CDH13: variants seen among roughly 807,000 people sequenced by gnomAD.
CDH13 encodes the protein cadherin 13, also known as cadherin-13.
In CDH13, 24 loss-of-function variants were observed where a neutral mutation model predicts 63.8. That is an observed-to-expected ratio of 0.38 (90% CI 0.27 to 0.53). The LOEUF is 0.53. Ranked by LOEUF, CDH13 falls within the 20% of genes least tolerant of loss-of-function variation. The pLI is 0.85. For missense variants in CDH13, 1,049 were observed against 903.1 expected, an observed-to-expected ratio of 1.16 and a Z score of -2.07; for synonymous variants, 503 against 355.3, an observed-to-expected ratio of 1.42 and a Z score of -4.67.
At chr16:83,053,761 A>T (rs1265005267) in intron 3 of CDH13, among the ~76,000 whole-genome samples, 2 of 152,194 alleles carry the variant, frequency 1.3e-5, no homozygotes, top group Non-Finnish European at 2.9e-5. Context: ...AGAACTATAC[A>T]GCAGGCAGAT....
chr16:82,821,551 G>T (rs1415543778), intron 1 of CDH13, among the ~76,000 whole-genome samples: 1 of 152,152 alleles, frequency 6.6e-6, no homozygotes, highest in Non-Finnish European at 1.5e-5. Flanking sequence ...CCTGGGCTTG[G>T]ATGTTGGGCT....
chr16:82,733,688 C>G (rs1327248019), intron 1 of CDH13, among the ~76,000 whole-genome samples: 1 of 152,154 alleles, frequency 6.6e-6, no homozygotes, highest in Non-Finnish European at 1.5e-5. Flanking sequence ...GTTTAAATCT[C>G]CAGGGGGTCT....
At chr16:83,365,546 A>G (rs1044989141) in intron 6 of CDH13, among the ~76,000 whole-genome samples, 10 of 152,154 alleles carry the variant, frequency 6.6e-5, no homozygotes, top group Non-Finnish European at 1.0e-4. Flanking sequence ...ACCTCCTGGC[A>G]TTACTCCTGC....
At chr16:83,372,893 C>A (rs1304318405) in intron 6 of CDH13, among the ~76,000 whole-genome samples, 1 of 152,096 alleles carries the variant, frequency 6.6e-6, no homozygotes, top group Non-Finnish European at 1.5e-5. Context: ...AACACAGAAT[C>A]CTCACTGCCT....
intron 8 of CDH13, among the ~76,000 whole-genome samples, chr16:83,669,927 T>C (rs1914354112): frequency 6.6e-6 from 1 of 152,240 alleles, no homozygotes; most frequent in African/African-American, 2.4e-5. Flanking sequence ...AAACAATACT[T>C]TATGCTTTCG....
Position 82,639,089 on chromosome 16 carries a change from A to G in CDH13, c.45+11952A>G, listed in dbSNP as rs147973441. Among the ~76,000 whole-genome samples, 446 of 152,290 alleles carry G rather than the reference A, an allele frequency of 2.9e-3. 4 individuals carry two copies. The highest frequency in any genetic ancestry group is 9.1e-3 in the African/African-American group (380 of 41,554). ...GACCCATGCGTCTTTATTCCTGTGC[A>G]TATTTATTTTCCTCTATGTTGCACT... On this transcript the variant is annotated intron_variant, in intron 1 of 13. Transcript: ENST00000567109.
At chr16:83,255,697 A>T (rs936499001) in intron 5 of CDH13, among the ~76,000 whole-genome samples, 2 of 152,110 alleles carry the variant, frequency 1.3e-5, no homozygotes, top group Admixed American at 1.3e-4. Context: ...GGTGACTTTT[A>T]TTATGCTCTT....
chr16:83,713,188 A>C (rs1375201366), intron 10 of CDH13, among the ~76,000 whole-genome samples: 1 of 152,196 alleles, frequency 6.6e-6, no homozygotes. Flanking sequence ...CACTTCATTC[A>C]CTGAGGATTC....
chr16:82,700,028 G>A (rs540897446), intron 1 of CDH13, among the ~76,000 whole-genome samples: 20 of 152,220 alleles, frequency 1.3e-4, no homozygotes, highest in South Asian at 4.1e-4. Flanking sequence ...CTAGAAGTTC[G>A]CCTGTTACAG....
intron 1 of CDH13, among the ~76,000 whole-genome samples, chr16:82,831,257 A>C (rs1215156672): frequency 5.3e-5 from 8 of 152,192 alleles, no homozygotes; most frequent in Admixed American, 5.2e-4. Flanking sequence ...GCCAATCATT[A>C]GCATTTCAGA....
chr16:83,675,318 C>T (rs1193121273), intron 9 of CDH13, among the ~76,000 whole-genome samples: 1 of 152,136 alleles, frequency 6.6e-6, no homozygotes, highest in South Asian at 2.1e-4. Flanking sequence ...GTTAGTAGAT[C>T]CCACCTTAGG....
intron 10 of CDH13, among the ~76,000 whole-genome samples, chr16:83,701,985 A>G (rs900491424): frequency 8.5e-5 from 13 of 152,190 alleles, no homozygotes; most frequent in African/African-American, 3.1e-4. Context: ...CCAGGTGTAA[A>G]GGGAGATAAT....
intron 2 of CDH13, among the ~76,000 whole-genome samples, chr16:82,999,834 C>T (rs1488687759): frequency 6.6e-6 from 1 of 152,158 alleles, no homozygotes; most frequent in Non-Finnish European, 1.5e-5. Flanking sequence ...CTCTGCGGTC[C>T]TTCTAAGAAG....
At chr16:82,994,688 A>T (rs907533449) in intron 2 of CDH13, among the ~76,000 whole-genome samples, 1 of 152,242 alleles carries the variant, frequency 6.6e-6, no homozygotes, top group East Asian at 1.9e-4. Flanking sequence ...GACAAATGAA[A>T]CTACCAATCT....
chr16:82,726,577 G>T (rs1013974600), intron 1 of CDH13, among the ~76,000 whole-genome samples: 7 of 152,202 alleles, frequency 4.6e-5, no homozygotes, highest in African/African-American at 7.2e-5. Flanking sequence ...ATCTGTTGCA[G>T]CTTATTTCAA....
At chr16:82,660,146 G>A (rs1020632634) in intron 1 of CDH13, among the ~76,000 whole-genome samples, 1 of 152,190 alleles carries the variant, frequency 6.6e-6, no homozygotes, top group African/African-American at 2.4e-5. Context: ...TTCAGAGGAA[G>A]CTGCTGAGAA....
intron 8 of CDH13, among the ~76,000 whole-genome samples, chr16:83,647,213 G>A (rs1911909909): frequency 1.3e-5 from 2 of 151,748 alleles, no homozygotes; most frequent in Non-Finnish European, 2.9e-5. Flanking sequence ...GGGAGGCTGA[G>A]GCAGGAGAAT....
intron 5 of CDH13, among the ~76,000 whole-genome samples, chr16:83,312,954 A>G (rs1471036811): frequency 6.6e-6 from 1 of 152,188 alleles, no homozygotes; most frequent in Non-Finnish European, 1.5e-5. Flanking sequence ...CCCGCTGTAA[A>G]GCATAAGTTT....
At chr16:83,093,724 G>GCTTGTACCTCCACTCCCTTCTTCT (rs2034046839) in intron 3 of CDH13, among the ~76,000 whole-genome samples, 1 of 152,146 alleles carries the variant, frequency 6.6e-6, no homozygotes, top group Non-Finnish European at 1.5e-5. Flanking sequence ...TTTGCTAGGC[G>GCTTGTACCTCCACTCCCTTCTTCT]CTTGTACCTC....
Sources: allele counts gnomAD v4.1 joint callset (sites outside exome capture counted in the v4.1 genomes callset), GRCh38; gene constraint gnomAD v4.1.1; transcripts MANE v1.5; gene names NCBI Gene and HGNC (gene_info 2026-07-23, HGNC 2026-07-21).